Variants in ABCC4 observed in about 807,000 individuals in gnomAD.
The protein encoded by ABCC4 is ATP-binding cassette sub-family C member 4.
ABCC4 carries 102 observed loss-of-function variants against 168.5 expected under a neutral mutation model. The observed-to-expected ratio is 0.61, with a 90% CI of 0.52 to 0.71. ABCC4 has a LOEUF of 0.71. Among genes scored for constraint, ABCC4 ranks in the 30% least tolerant of loss-of-function variants. The probability of loss-of-function intolerance (pLI) is 0.00; values close to 1 mark genes in which losing one functional copy is unlikely to be tolerated. For synonymous variants in ABCC4, 617 were observed against 590.7 expected, an observed-to-expected ratio of 1.04 and a Z score of -0.65; for missense variants, 1,402 against 1,605.8, an observed-to-expected ratio of 0.87 and a Z score of 2.17.
chr13:95,205,943 A>G (rs1210588235), intron 8 of ABCC4, among the ~76,000 whole-genome samples: 1 of 152,260 alleles, frequency 6.6e-6, no homozygotes, highest in Admixed American at 6.5e-5. Flanking sequence ...TTGGAAATAA[A>G]GAAGTCTGGC....
In ABCC4 at chr13:95,177,798, A is replaced by T. The variant is rs2037757274; in HGVS notation, c.1641-5T>A. On this transcript the variant is annotated splice_region_variant and splice_polypyrimidine_tract_variant and intron_variant, in intron 12 of 30. Coordinates refer to ENST00000645237, the MANE Select transcript of ABCC4 (RefSeq NM_005845.5). Reference sequence around the variant, plus strand: ...TCAGCATCTTGATACACTGCTCTAGAAAATACAAAGAGGTATCAGACTCTC... The same window carrying T: ...TCAGCATCTTGATACACTGCTCTAGTAAATACAAAGAGGTATCAGACTCTC... The T allele has an allele frequency of 6.2e-7, 1 of 1,606,538 alleles. No homozygotes were observed. Among genetic ancestry groups the T allele is most frequent in the Admixed American group, 1.7e-5 (1 of 59,700 alleles).
chr13:95,024,869 C>T (rs1002260722), intron 30 of ABCC4, among the ~76,000 whole-genome samples: 3 of 152,026 alleles, frequency 2.0e-5, no homozygotes, highest in African/African-American at 7.3e-5. Flanking sequence ...TAAGCTAAAT[C>T]TTTGTGAAAT....
rs1418258991 is a variant in ABCC4, at chr13:95,156,125, AC to A, written c.2455+5063del. Among the ~76,000 whole-genome samples the A allele has an allele frequency of 7.9e-4, 121 of 152,348 alleles. 1 individual carries two copies. The highest frequency in any genetic ancestry group is 2.8e-3 in the African/African-American group (117 of 41,584). ...ATGTCAGCGTCTGCCTATTCCAGTT[AC>A]TAGTCAAGAAGGTGTAATTAGGAAA... On this transcript the variant is annotated intron_variant, in intron 19 of 30. Coordinates refer to ENST00000645237, the MANE Select transcript of ABCC4 (RefSeq NM_005845.5).
At chr13:95,091,927 C>T (rs1253057589) in intron 20 of ABCC4, among the ~76,000 whole-genome samples, 1 of 152,110 alleles carries the variant, frequency 6.6e-6, no homozygotes, top group Non-Finnish European at 1.5e-5. Context: ...GGAGACTCAC[C>T]TAACACATAA....
intron 19 of ABCC4, among the ~76,000 whole-genome samples, chr13:95,124,652 T>C (rs904070197): frequency 4.4e-5 from 6 of 135,240 alleles, no homozygotes; most frequent in Non-Finnish European, 9.2e-5. Flanking sequence ...GGGGATCACC[T>C]GAGGCCAGGA....
chr13:95,258,205 A>G (rs941312845), intron 1 of ABCC4, among the ~76,000 whole-genome samples: 1 of 152,160 alleles, frequency 6.6e-6, no homozygotes, highest in African/African-American at 2.4e-5. Context: ...TCAATAGAAA[A>G]GCCAGAGTGG....
chr13:95,283,052 T>C (rs1033851869), intron 1 of ABCC4, among the ~76,000 whole-genome samples: 4 of 151,242 alleles, frequency 2.6e-5, no homozygotes, highest in Non-Finnish European at 5.9e-5. Flanking sequence ...CCATCTCTAC[T>C]AAAAATACAA....
intron 25 of ABCC4, among the ~76,000 whole-genome samples, chr13:95,067,198 A>C (rs1332388765): frequency 6.6e-6 from 1 of 152,232 alleles, no homozygotes; most frequent in Non-Finnish European, 1.5e-5. Flanking sequence ...TATTCATGGA[A>C]GGCTGTATGG....
chr13:95,158,387 G>A (rs2036949729), intron 19 of ABCC4, among the ~76,000 whole-genome samples: 1 of 152,128 alleles, frequency 6.6e-6, no homozygotes, highest in Non-Finnish European at 1.5e-5. Context: ...CAGCACAAGG[G>A]CACTGGAGAT....
At chr13:95,167,929 C>T (rs1406507622) in intron 14 of ABCC4, among the ~76,000 whole-genome samples, 5 of 152,202 alleles carry the variant, frequency 3.3e-5, no homozygotes, top group East Asian at 1.9e-4. Flanking sequence ...TGCAATGGCG[C>T]GATCTCGGCT....
chr13:95,186,849 T>C lies in ABCC4; in HGVS notation c.1397A>G (p.His466Arg). The change falls in exon 11 of 31, where the codon CAC becomes CGC. Residue 466 changes from histidine to arginine, a missense_variant. Around this residue, in one of 3 missense-constraint regions of ABCC4, gnomAD observed 1,007 missense variants for 1,127.3 expected, o/e 0.89. Coordinates refer to ENST00000645237, the MANE Select transcript of ABCC4 (RefSeq NM_005845.5). Reference sequence around the variant, plus strand: ...TCTTCCATGCACGCTGACCAGCCCGTGACTTGGGGCCAATTCCCCGAGCAC... The same window carrying C: ...TCTTCCATGCACGCTGACCAGCCCGCGACTTGGGGCCAATTCCCCGAGCAC... ...SAVLGELAPS[H>R]GLVSVHGRIA... 1 of 1,613,918 alleles carries C rather than the reference T, an allele frequency of 6.2e-7. No individual in the cohort carries two copies. Among genetic ancestry groups the C allele is most frequent in the Non-Finnish European group, 8.5e-7 (1 of 1,179,964 alleles).
intron 26 of ABCC4, among the ~76,000 whole-genome samples, chr13:95,058,122 G>A (rs2033132526): frequency 6.6e-6 from 1 of 152,140 alleles, no homozygotes; most frequent in African/African-American, 2.4e-5. Context: ...TTAGTGCTTA[G>A]TGTCACTTAA....
At chr13:95,159,096 T>TATAA (rs1237844856) in intron 19 of ABCC4, among the ~76,000 whole-genome samples, 11 of 52,052 alleles carry the variant, frequency 2.1e-4, no homozygotes, top group African/African-American at 2.0e-3. Flanking sequence ...ATAAATTTTA[T>TATAA]ATATATATAT....
chr13:95,062,640 T>A, intron 26 of ABCC4, 64 bp downstream of exon 26: 6 of 1,430,148 alleles, frequency 4.2e-6, no homozygotes, highest in South Asian at 1.4e-5. Context: ...GCAATAAGAG[T>A]AAAAGCAATT....
intron 3 of ABCC4, among the ~76,000 whole-genome samples, chr13:95,238,443 C>A (rs2039839644): frequency 6.6e-6 from 1 of 152,102 alleles, no homozygotes; most frequent in Non-Finnish European, 1.5e-5. Context: ...CAGGGTAGGG[C>A]CTGAGTTCCC....
chr13:95,091,977 T>G (rs978640365), intron 20 of ABCC4, among the ~76,000 whole-genome samples: 1 of 152,124 alleles, frequency 6.6e-6, no homozygotes, highest in Non-Finnish European at 1.5e-5. Context: ...AAGGATTTCA[T>G]GCAAATCGAC....
intron 4 of ABCC4, among the ~76,000 whole-genome samples, chr13:95,213,471 T>C (rs1029920810): frequency 6.6e-6 from 1 of 152,162 alleles, no homozygotes; most frequent in Non-Finnish European, 1.5e-5. Context: ...GAAGTTTCAG[T>C]AGGGATTTAC....
chr13:95,153,914 G>A (rs1191243339), intron 19 of ABCC4, among the ~76,000 whole-genome samples: 3 of 152,096 alleles, frequency 2.0e-5, no homozygotes, highest in Non-Finnish European at 2.9e-5. Context: ...AGCAGTAAAG[G>A]AGCAACTCCC....
At position 95,075,448 on chromosome 13, in the gene ABCC4, G is replaced by A; in HGVS notation, c.2790C>T (p.His930=). The A allele has an allele frequency of 6.2e-7, 1 of 1,614,130 alleles. No individual in the cohort carries two copies. Among genetic ancestry groups the A allele is most frequent in the Non-Finnish European group, 8.5e-7 (1 of 1,180,002 alleles). ...TAGACAGACCTGAATGTAAATCCTG[G>A]TGTGCATCAAACAGTTCCTGACACC... ...EERCQELFDA[H]QDLHSEAWFL... The change falls in exon 22 of 31, where the codon CAC becomes CAT. Residue 930 remains histidine (H), a synonymous_variant. Transcript: ENST00000645237.
Sources: allele counts gnomAD v4.1 joint callset (sites outside exome capture counted in the v4.1 genomes callset), GRCh38; gene constraint gnomAD v4.1.1; regional missense constraint gnomAD v4.1.1; transcripts MANE v1.5; gene names NCBI Gene and HGNC (gene_info 2026-07-23, HGNC 2026-07-21).